The following ANXA4 variants were observed in gnomAD, a reference collection of about 807,000 sequenced individuals.
ANXA4 encodes 35-beta calcimedin.
Under a neutral mutation model 49.8 loss-of-function variants are expected in ANXA4, and 39 were observed. That is an observed-to-expected ratio of 0.78 (90% CI 0.61 to 1.02). ANXA4 has a LOEUF of 1.02. ANXA4 is among the 50% of genes least tolerant of loss of function. The pLI is 0.00. For synonymous variants in ANXA4, 134 were observed against 152.5 expected (o/e 0.88, Z 0.89); for missense variants, 360 against 410.1 (o/e 0.88, Z 1.05).
intron 2 of ANXA4, among the ~76,000 whole-genome samples, chr2:69,710,428 A>G (rs527894022): frequency 8.5e-5 from 13 of 152,352 alleles, no homozygotes; most frequent in Middle Eastern, 3.4e-3. Context: ...TCATAAAGAA[A>G]TGAAGTTTTC....
chr2:69,659,443 A>G (rs1372884675), intron 2 of ANXA4, among the ~76,000 whole-genome samples: 1 of 152,118 alleles, frequency 6.6e-6, no homozygotes. Context: ...TTATTTGTTT[A>G]TTATCTCTTC....
intron 3 of ANXA4, among the ~76,000 whole-genome samples, chr2:69,731,046 T>C (rs747547816): frequency 3.9e-5 from 6 of 152,334 alleles, no homozygotes; most frequent in Non-Finnish European, 8.8e-5. Context: ...AAAGCCACGA[T>C]GTCACTATTT....
intron 7 of ANXA4, among the ~76,000 whole-genome samples, chr2:69,811,824 A>G (rs1035869034): frequency 6.6e-6 from 1 of 152,170 alleles, no homozygotes; most frequent in African/African-American, 2.4e-5. Flanking sequence ...ATATTTACTT[A>G]GTAACGCCTG....
chr2:69,649,502 C>T (rs1676144355), intron 1 of ANXA4, among the ~76,000 whole-genome samples: 1 of 150,016 alleles, frequency 6.7e-6, no homozygotes, highest in African/African-American at 2.4e-5. Flanking sequence ...GCTTAGTAAT[C>T]AGTGCTTTAC....
chr2:69,806,868 G>A (rs1347252085), intron 5 of ANXA4, among the ~76,000 whole-genome samples: 2 of 152,098 alleles, frequency 1.3e-5, no homozygotes, highest in African/African-American at 4.8e-5. Flanking sequence ...GGAGGGAGAG[G>A]ATCAGGAAAA....
intron 2 of ANXA4, among the ~76,000 whole-genome samples, chr2:69,718,688 C>A (rs1009906951): frequency 6.6e-6 from 1 of 151,728 alleles, no homozygotes; most frequent in Non-Finnish European, 1.5e-5. Flanking sequence ...CACGTATACA[C>A]ATGCATGCAT....
At chr2:69,691,773 G>A (rs978460360) in intron 2 of ANXA4, among the ~76,000 whole-genome samples, 1 of 152,228 alleles carries the variant, frequency 6.6e-6, no homozygotes, top group African/African-American at 2.4e-5. Flanking sequence ...TAGCAGCGTA[G>A]AAGCAGCTGG....
chr2:69,738,293 C>T (rs1670294876), upstream of ANXA4, among the ~76,000 whole-genome samples: 1 of 152,126 alleles, frequency 6.6e-6, no homozygotes, highest in Admixed American at 6.6e-5. Context: ...CTCTTCAGGT[C>T]TTTCCTCTTA....
At position 69,788,982 on chromosome 2, in the gene ANXA4, C is replaced by G. The variant is rs535127451; in HGVS notation, c.97+841C>G. Reference sequence around the variant, plus strand: ...GATGGGGAGGGGCATTAGTTCTTCACTTTAATAAAGAATGATAAATTTAAT... The same window carrying G: ...GATGGGGAGGGGCATTAGTTCTTCAGTTTAATAAAGAATGATAAATTTAAT... On this transcript the variant is annotated intron_variant, in intron 3 of 12. Transcript: ENST00000394295. Among the ~76,000 whole-genome samples the G allele has an allele frequency of 1.3e-4, 20 of 152,164 alleles. 2 individuals carry two copies. In the East Asian group the frequency reaches 3.7e-3, roughly 28 times the overall value.
chr2:69,657,185 G>C (rs568668126), intron 2 of ANXA4, among the ~76,000 whole-genome samples: 3 of 151,896 alleles, frequency 2.0e-5, no homozygotes, highest in Non-Finnish European at 4.4e-5. Flanking sequence ...AGTAGAAACG[G>C]AGTTTCACTG....
rs969166493 is a variant in ANXA4, at chr2:69,711,492, G to T, written n.767-9282G>T. Reference sequence around the variant, plus strand: ...CCATTTATATGATATTTTAGAAAAGGCAAAACTATAGTGATATTTCTAGTT... The same window carrying T: ...CCATTTATATGATATTTTAGAAAAGTCAAAACTATAGTGATATTTCTAGTT... On this transcript the variant is annotated intron_variant and non_coding_transcript_variant, in intron 2 of 3. Coordinates refer to the ANXA4 transcript ENST00000418066. Among the ~76,000 whole-genome samples, 4 of 152,272 alleles carry T rather than the reference G, an allele frequency of 2.6e-5. No homozygotes were observed. The East Asian group carries it at 7.7e-4, about 29-fold the overall frequency.
chr2:69,673,655 T>TA (rs886612987), intron 2 of ANXA4, among the ~76,000 whole-genome samples: 14 of 137,106 alleles, frequency 1.0e-4, no homozygotes, highest in Non-Finnish European at 1.6e-4. Context: ...TAAAGTATAT[T>TA]AAAAAAAAAG....
At position 69,784,314 on chromosome 2, in the gene ANXA4, C is replaced by A. The variant is rs185911479; in HGVS notation, c.9+2740C>A. ...ATAAACGGAACCACCCTTGCCAATT[C>A]CTCTATCGATTCACCTTGTTATATA... is the stretch of plus-strand genomic sequence containing the variant. On this transcript the variant is annotated intron_variant, in intron 2 of 12. Transcript: ENST00000394295. Among the ~76,000 whole-genome samples the A allele has an allele frequency of 4.9e-3, 746 of 152,308 alleles. 4 individuals carry two copies. The highest frequency in any genetic ancestry group is 0.017 in the African/African-American group (705 of 41,570).
intron 8 of ANXA4, among the ~76,000 whole-genome samples, chr2:69,814,434 C>T (rs1673866127): frequency 6.7e-6 from 1 of 149,108 alleles, no homozygotes; most frequent in Non-Finnish European, 1.5e-5. Flanking sequence ...CAACCTTCAC[C>T]TCCCAGGCTC....
intron 1 of ANXA4, among the ~76,000 whole-genome samples, chr2:69,756,306 G>A (rs1671037480): frequency 1.3e-5 from 2 of 152,190 alleles, no homozygotes; most frequent in Non-Finnish European, 2.9e-5. Flanking sequence ...AAAAAAGGGT[G>A]GTGGCTGAGT....
At chr2:69,776,626 AGACCCCACTG>A (rs1178833371) in intron 1 of ANXA4, among the ~76,000 whole-genome samples, 3 of 152,224 alleles carry the variant, frequency 2.0e-5, no homozygotes, top group Admixed American at 1.3e-4. Flanking sequence ...AAGTTAGCAC[AGACCCCACTG>A]GTTAAGGCAG....
intron 2 of ANXA4, among the ~76,000 whole-genome samples, chr2:69,687,017 G>A (rs997115414): frequency 5.3e-5 from 8 of 152,228 alleles, no homozygotes; most frequent in Admixed American, 2.0e-4. Context: ...CCAAAGTCAC[G>A]AGTGTGTGAA....
chr2:69,722,948 G>A (rs1454394371), intron 3 of ANXA4, among the ~76,000 whole-genome samples: 1 of 150,464 alleles, frequency 6.6e-6, no homozygotes, highest in Non-Finnish European at 1.5e-5. Flanking sequence ...CGAGGTGGGC[G>A]GATCACGAGG....
At chr2:69,732,408 G>A (rs1670129860) in intron 3 of ANXA4, among the ~76,000 whole-genome samples, 1 of 152,058 alleles carries the variant, frequency 6.6e-6, no homozygotes, top group Admixed American at 6.6e-5. Context: ...ATCTAGAAGT[G>A]ATATAAACTG....
Sources: allele counts gnomAD v4.1 joint callset (sites outside exome capture counted in the v4.1 genomes callset), GRCh38; gene constraint gnomAD v4.1.1; transcripts MANE v1.5; gene names NCBI Gene and HGNC (gene_info 2026-07-23, HGNC 2026-07-21).